ADA: variants seen among roughly 807,000 people sequenced by gnomAD.
The protein encoded by ADA is adenosine deaminase, also known as adenosine aminohydrolase.
Under a neutral mutation model 49.0 loss-of-function variants are expected in ADA, and 45 were observed. The observed-to-expected ratio is 0.92, with a 90% CI of 0.72 to 1.18. The LOEUF is 1.18. Among genes scored for constraint, ADA ranks in the 50% most tolerant of loss-of-function variants. The pLI is 0.00. For synonymous variants in ADA, 173 were observed against 184.2 expected (o/e 0.94, Z 0.49); for missense variants, 445 against 472.5 (o/e 0.94, Z 0.54).
intron 9 of ADA, 41 bp downstream of exon 9, chr20:44,622,547 C>G: frequency 1.2e-6 from 2 of 1,613,222 alleles, no homozygotes; most frequent in Non-Finnish European, 1.7e-6. Context: ...CTTTGGCCTT[C>G]CTGGAACAAA....
chr20:44,620,880 A>G (rs2065323659), intron 10 of ADA, 138 bp downstream of exon 10: 2 of 1,169,296 alleles, frequency 1.7e-6, no homozygotes, highest in Admixed American at 1.7e-5. Flanking sequence ...CTCTGTGGAA[A>G]GTGTCTAGGT....
intron 1 of ADA, among the ~76,000 whole-genome samples, chr20:44,647,043 C>T (rs905617533): frequency 2.0e-5 from 3 of 152,036 alleles, no homozygotes; most frequent in Non-Finnish European, 2.9e-5. Context: ...AGCAGGACAG[C>T]GCCTCGTGCA....
chr20:44,622,644 G>T lies in ADA; in HGVS notation c.789C>A (p.Pro263=). ...AGGCACCAGTGAGGTAGCTGGACCA[G>T]GGGCAGATCTGGAAGAGCAGGTGTG... is the stretch of plus-strand genomic sequence containing the variant. ...RQENMHFEIC[P]WSSYLTGAWK... Residue 263 remains proline (P), a synonymous_variant, in exon 9 of 12, where the codon CCC becomes CCA. Coordinates refer to ENST00000372874, the MANE Select transcript of ADA (RefSeq NM_000022.4). The T allele has an allele frequency of 6.2e-7, 1 of 1,614,232 alleles. No individual in the cohort carries two copies. Among genetic ancestry groups the T allele is most frequent in the Non-Finnish European group, 8.5e-7 (1 of 1,180,040 alleles).
intron 2 of ADA, among the ~76,000 whole-genome samples, chr20:44,633,655 G>A (rs948942341): frequency 6.6e-6 from 1 of 152,232 alleles, no homozygotes; most frequent in African/African-American, 2.4e-5. Context: ...ACCAGGGAGG[G>A]GCAGTGGTGG....
At chr20:44,649,197 G>A (rs1220997082) in intron 1 of ADA, among the ~76,000 whole-genome samples, 1 of 152,048 alleles carries the variant, frequency 6.6e-6, no homozygotes, top group African/African-American at 2.4e-5. Context: ...CAGATAATGT[G>A]TTTAGAACGG....
At chr20:44,634,186 G>C (rs6031682) in intron 2 of ADA, among the ~76,000 whole-genome samples, 37,617 of 152,168 alleles carry the variant, frequency 0.25, 7,051 homozygotes, top group African/African-American at 0.53. Context: ...GCCTGGGTTC[G>C]ATCTCATCTT....
intron 2 of ADA, among the ~76,000 whole-genome samples, chr20:44,634,724 G>A (rs2065464264): frequency 6.6e-6 from 1 of 152,240 alleles, no homozygotes; most frequent in Non-Finnish European, 1.5e-5. Context: ...GCGAAAAGAT[G>A]GAGAATAGTG....
At chr20:44,624,766 A>C (rs1175811113) in intron 5 of ADA, among the ~76,000 whole-genome samples, 5 of 152,206 alleles carry the variant, frequency 3.3e-5, no homozygotes, top group African/African-American at 9.7e-5. Flanking sequence ...GTATCTCGCT[A>C]ATGTATTAGG....
In ADA at chr20:44,620,380, T is replaced by G; in HGVS notation, c.997A>C (p.Ser333Arg). Residue 333 changes from serine (S) to arginine (R), a missense_variant, in exon 11 of 12, where the codon AGT (serine) becomes CGT (arginine). Coordinates refer to ENST00000372874, the MANE Select transcript of ADA (RefSeq NM_000022.4). ...KRLNINAAKS[S>R]FLPEDEKREL... Reference sequence around the variant, plus strand: ...CTCTTTTCATCTTCTGGGAGGAAACTAGATTTGGCCGCATTGATGTTCTGG... The same window carrying G: ...CTCTTTTCATCTTCTGGGAGGAAACGAGATTTGGCCGCATTGATGTTCTGG... 6.2e-7 allele frequency: 1 copy of G among 1,614,172 alleles called. No homozygotes were observed. The highest frequency in any genetic ancestry group is 8.5e-7 in the Non-Finnish European group (1 of 1,180,018).
intron 2 of ADA, 82 bp downstream of exon 2, chr20:44,636,145 T>G (rs1446309020): frequency 7.8e-7 from 1 of 1,281,246 alleles, no homozygotes; most frequent in African/African-American, 1.5e-5. Flanking sequence ...ACAGTGACCC[T>G]GGAATTCCCC....
chr20:44,634,798 G>C (rs57860639), intron 2 of ADA, among the ~76,000 whole-genome samples: 1 of 152,224 alleles, frequency 6.6e-6, no homozygotes, highest in Non-Finnish European at 1.5e-5. Context: ...GCAACCCCCC[G>C]GGATCCCTCA....
intron 3 of ADA, among the ~76,000 whole-genome samples, chr20:44,627,997 T>G (rs1234636237): frequency 6.6e-6 from 1 of 152,240 alleles, no homozygotes; most frequent in Non-Finnish European, 1.5e-5. Flanking sequence ...GCATGTTTGT[T>G]CCAGAAGCAA....
intron 1 of ADA, 106 bp from the exon 2 acceptor site, chr20:44,636,394 AC>A: frequency 2.1e-6 from 2 of 946,964 alleles, no homozygotes; most frequent in Non-Finnish European, 3.3e-6. Context: ...AATCATGATA[AC>A]CATTAGCCAC....
At chr20:44,631,486 A>C (rs2065432632) in intron 2 of ADA, among the ~76,000 whole-genome samples, 1 of 152,138 alleles carries the variant, frequency 6.6e-6, no homozygotes, top group Admixed American at 6.5e-5. Context: ...CAGTTGTCAA[A>C]CACTGTTGGG....
intron 1 of ADA, among the ~76,000 whole-genome samples, chr20:44,651,089 C>A (rs904045012): frequency 3.9e-5 from 6 of 152,184 alleles, no homozygotes; most frequent in Non-Finnish European, 7.3e-5. Context: ...GCAGGGCTCA[C>A]GGTTCTTCCC....
At chr20:44,624,631 A>G (rs1285086621) in intron 5 of ADA, among the ~76,000 whole-genome samples, 1 of 152,194 alleles carries the variant, frequency 6.6e-6, no homozygotes, top group Non-Finnish European at 1.5e-5. Flanking sequence ...AGTAAATGAC[A>G]CGGACCCTTC....
At chr20:44,642,326 AAC>A (rs1449811616) in intron 1 of ADA, among the ~76,000 whole-genome samples, 2 of 152,210 alleles carry the variant, frequency 1.3e-5, no homozygotes, top group Non-Finnish European at 1.5e-5. Context: ...AGAATGAGCA[AAC>A]ACACCTTTCT....
At position 44,651,637 on chromosome 20, in the gene ADA, C is replaced by T. The variant is rs1266536040; in HGVS notation, c.-30G>A. ...CCCTCGTGCGCCCCGGCGCTGCTCCCTCCGCCGCCGCTCGGTGGGTCTCTG... is the reference window on the plus strand; with the variant it reads ...CCCTCGTGCGCCCCGGCGCTGCTCCTTCCGCCGCCGCTCGGTGGGTCTCTG... On this transcript the variant is annotated 5_prime_UTR_variant, in exon 1 of 12. Transcript: ENST00000372874. 2 of 1,504,196 alleles carry T rather than the reference C, an allele frequency of 1.3e-6. No individual in the cohort carries two copies. Among genetic ancestry groups the T allele is most frequent in the South Asian group, 1.2e-5 (1 of 81,262 alleles). The allele number at this position is 1,504,196 out of a possible 1,614,324, so 93.2% of individuals were successfully genotyped here.
chr20:44,619,613 TG>T lies in ADA; in HGVS notation c.*220del. On this transcript the variant is annotated 3_prime_UTR_variant, in exon 12 of 12. Coordinates refer to ENST00000372874, the MANE Select transcript of ADA (RefSeq NM_000022.4). ...AGGGTTTCAGATTCAACCATGCCCA[TG>T]TGCAAGGGCGCTGGTCCCTGGCCAG... 1 of 572,170 alleles carries T rather than the reference TG, an allele frequency of 1.7e-6. No homozygotes were observed. Among genetic ancestry groups the T allele is most frequent in the Admixed American group, 3.0e-5 (1 of 33,814 alleles). 35.4% of individuals were successfully genotyped at this position (572,170 alleles called of 1,614,324 possible).
Sources: gnomAD v4.1 joint callset for allele counts (sites outside exome capture counted in the v4.1 genomes callset) on GRCh38, gnomAD v4.1.1 for gene constraint, MANE v1.5 for transcripts, NCBI Gene and HGNC (gene_info 2026-07-23, HGNC 2026-07-21) for gene names.